The following PRR33 variants were observed in gnomAD, a reference collection of about 807,000 sequenced individuals.
The protein encoded by PRR33 is proline-rich protein 33.
PRR33 carries 1 observed loss-of-function variant against 0.5 expected under a neutral mutation model. The observed-to-expected ratio is 2.18, with a 90% CI of 0.77 to 10.34. The LOEUF (loss-of-function observed/expected upper bound fraction) is 10.34. PRR33 is among the 30% of genes most tolerant of loss of function. The pLI is 0.13. For missense variants in PRR33, 552 were observed against 251.8 expected (o/e 2.19, Z -8.07); for synonymous variants, 226 against 110.0 (o/e 2.06, Z -6.60).
At chr11:1,913,162 G>A in the PRR33 span, among the ~76,000 whole-genome samples, 13 of 149,906 alleles carry the variant, frequency 8.7e-5, no homozygotes, top group Middle Eastern at 3.5e-3. Context: ...ATGGAGTCTC[G>A]CTCTGTCGCC....
At chr11:1,911,580 G>C in the PRR33 span, among the ~76,000 whole-genome samples, 117 of 152,052 alleles carry the variant, frequency 7.7e-4, no homozygotes, top group East Asian at 0.021. Context: ...ACCACGCCTG[G>C]CTAATTTTTT....
chr11:1,911,564 C>T, the PRR33 span, among the ~76,000 whole-genome samples: 1 of 152,028 alleles, frequency 6.6e-6, no homozygotes, highest in African/African-American at 2.4e-5. Context: ...ATCACAGGCA[C>T]CCACCACCAC....
the PRR33 span, among the ~76,000 whole-genome samples, chr11:1,916,282 A>T: frequency 6.6e-6 from 1 of 152,080 alleles, no homozygotes; most frequent in African/African-American, 2.4e-5. Context: ...TCTGGACTTC[A>T]CTTTGCCATT....
the PRR33 span, among the ~76,000 whole-genome samples, chr11:1,911,082 T>G: frequency 1.3e-5 from 2 of 152,246 alleles, no homozygotes; most frequent in Non-Finnish European, 2.9e-5. Flanking sequence ...AAACTGTAGT[T>G]ATTTCTTGTT....
At chr11:1,917,178 G>C in the PRR33 span, among the ~76,000 whole-genome samples, 1 of 152,194 alleles carries the variant, frequency 6.6e-6, no homozygotes, top group East Asian at 1.9e-4. Context: ...CAGCTGGGCC[G>C]AGCGGCCTCA....
chr11:1,913,637 C>T, the PRR33 span, among the ~76,000 whole-genome samples: 1 of 152,324 alleles, frequency 6.6e-6, no homozygotes, highest in Admixed American at 6.5e-5. Flanking sequence ...AAAGGGCCGC[C>T]TTCTAGTTAG....
the PRR33 span, among the ~76,000 whole-genome samples, chr11:1,913,311 T>G: frequency 0.23 from 9,994 of 44,166 alleles, 597 homozygotes; most frequent in African/African-American, 0.3. Flanking sequence ...GTTTTTTTTT[T>G]TTTGTTTTTT....
the PRR33 span, among the ~76,000 whole-genome samples, chr11:1,916,670 C>T: frequency 2.6e-5 from 4 of 152,262 alleles, no homozygotes; most frequent in East Asian, 1.9e-4. Context: ...CTGCCCACCC[C>T]GCCCCCGACC....
chr11:1,905,433 C>CTTT, the PRR33 span, among the ~76,000 whole-genome samples: 12 of 97,890 alleles, frequency 1.2e-4, no homozygotes, highest in South Asian at 4.0e-4. Context: ...GGCCTTCTCT[C>CTTT]TTTTTTTTTT....
upstream of PRR33, among the ~76,000 whole-genome samples, chr11:1,894,335 C>T (rs1305626517): frequency 2.0e-5 from 3 of 152,116 alleles, no homozygotes; most frequent in African/African-American, 4.8e-5. Context: ...CTGGGCTCAA[C>T]GGATCCTCCT....
the PRR33 span, among the ~76,000 whole-genome samples, chr11:1,915,807 T>C: frequency 7.5e-6 from 1 of 133,312 alleles, no homozygotes; most frequent in East Asian, 2.3e-4. Context: ...GAGGGAGGGA[T>C]GGATGGATGC....
At chr11:1,915,823 T>C in the PRR33 span, among the ~76,000 whole-genome samples, 1 of 148,012 alleles carries the variant, frequency 6.8e-6, no homozygotes. Context: ...GATGCATGAA[T>C]GGGTAGATGG....
exon 1 of PRR33, chr11:1,889,634 G>A: frequency 1.6e-6 from 1 of 616,328 alleles, no homozygotes; most frequent in East Asian, 2.8e-5. Flanking sequence ...GTGGGGTAGG[G>A]GATGAGGCCC....
chr11:1,915,592 T>C, the PRR33 span, among the ~76,000 whole-genome samples: 6 of 40,744 alleles, frequency 1.5e-4, no homozygotes, highest in African/African-American at 6.3e-4. Context: ...GGGGGGATAT[T>C]ATTTGTATGT....
the PRR33 span, among the ~76,000 whole-genome samples, chr11:1,909,702 C>G: frequency 6.6e-6 from 1 of 152,138 alleles, no homozygotes; most frequent in Admixed American, 6.5e-5. Context: ...ATCACCTGAG[C>G]CTGGGAGGTT....
chr11:1,902,248 C>T, the PRR33 span, among the ~76,000 whole-genome samples: 2 of 130,648 alleles, frequency 1.5e-5, no homozygotes, highest in East Asian at 4.4e-4. Flanking sequence ...AAAAAAAAAA[C>T]ACACAATTAC....
chr11:1,896,353 A>T (rs1849124489), upstream of PRR33, among the ~76,000 whole-genome samples: 1 of 152,166 alleles, frequency 6.6e-6, no homozygotes, highest in Admixed American at 6.5e-5. Context: ...TTCAATTTGG[A>T]GGTCTTTCAC....
the PRR33 span, among the ~76,000 whole-genome samples, chr11:1,905,250 C>T: frequency 6.7e-6 from 1 of 149,162 alleles, no homozygotes; most frequent in South Asian, 2.1e-4. Context: ...GACTCAGCCT[C>T]CCGAGTAGCT....
chr11:1,897,888 A>G, the PRR33 span, among the ~76,000 whole-genome samples: 2 of 152,218 alleles, frequency 1.3e-5, no homozygotes, highest in Non-Finnish European at 2.9e-5. This position sits in a 1 kb window ranked among gnomAD's most constrained non-coding sequence, Gnocchi z 4.0. Flanking sequence ...GACCATCAGG[A>G]AGATCATATT....
Sources: allele counts gnomAD v4.1 joint callset (sites outside exome capture counted in the v4.1 genomes callset), GRCh38; gene constraint gnomAD v4.1.1; non-coding constraint Gnocchi (gnomAD v3.1); transcripts MANE v1.5; gene names NCBI Gene and HGNC (gene_info 2026-07-23, HGNC 2026-07-21).